The following TTC6 variants were observed in gnomAD, a reference collection of about 807,000 sequenced individuals.
TTC6 encodes tetratricopeptide repeat domain 6.
In TTC6, 172 loss-of-function variants were observed where a neutral mutation model predicts 210.4. The ratio of observed to expected loss-of-function variants is 0.82; its 90% CI spans 0.72 to 0.93. TTC6 has a LOEUF of 0.93. TTC6 is among the 40% of genes least tolerant of loss of function. The pLI is 0.00. For synonymous variants in TTC6, 804 were observed against 819.6 expected (o/e 0.98, Z 0.32); for missense variants, 2,414 against 2,318.1 (o/e 1.04, Z -0.85).
intron 6 of TTC6, among the ~76,000 whole-genome samples, chr14:37,715,091 C>A (rs1404475335): frequency 6.6e-6 from 1 of 152,094 alleles, no homozygotes; most frequent in Admixed American, 6.5e-5. Context: ...ATCACTTGAG[C>A]CCAGGCAATT....
chr14:37,735,203 A>C (rs553419780), intron 7 of TTC6, among the ~76,000 whole-genome samples: 1 of 152,300 alleles, frequency 6.6e-6, no homozygotes, highest in Admixed American at 6.5e-5. Flanking sequence ...ATTACATAAT[A>C]TTTTTAAAAT....
chr14:37,727,349 A>G (rs1285952765), intron 7 of TTC6, among the ~76,000 whole-genome samples: 2 of 130,046 alleles, frequency 1.5e-5, no homozygotes, highest in Non-Finnish European at 3.1e-5. Flanking sequence ...GCTGGAGTGC[A>G]GTGGTGCGAT....
chr14:37,829,484 CAATAA>C (rs1331789547), intron 29 of TTC6, among the ~76,000 whole-genome samples: 2 of 151,830 alleles, frequency 1.3e-5, no homozygotes, highest in Non-Finnish European at 2.9e-5. Flanking sequence ...CTATGAACAA[CAATAA>C]AATTACCCTG....
At chr14:37,689,791 AC>A (rs1402562009) in intron 3 of TTC6, among the ~76,000 whole-genome samples, 1 of 152,154 alleles carries the variant, frequency 6.6e-6, no homozygotes, top group African/African-American at 2.4e-5. Context: ...TTTTATCAAC[AC>A]CAGACCTGTC....
intron 15 of TTC6, among the ~76,000 whole-genome samples, chr14:37,787,889 CTGTGTGTGTGTG>C (rs3062823): frequency 4.8e-5 from 7 of 147,316 alleles, no homozygotes; most frequent in African/African-American, 1.3e-4. Context: ...GTGTGTGTGT[CTGTGTGTGTGTG>C]TGTGTGTGTG....
chr14:37,783,617 T>A (rs2096060673), intron 14 of TTC6, among the ~76,000 whole-genome samples: 1 of 152,188 alleles, frequency 6.6e-6, no homozygotes, highest in South Asian at 2.1e-4. Context: ...GGATTTTTTG[T>A]GTCTCTATCT....
At chr14:37,678,580 T>G (rs1035276059) in intron 1 of TTC6, among the ~76,000 whole-genome samples, 4 of 152,208 alleles carry the variant, frequency 2.6e-5, no homozygotes, top group African/African-American at 9.6e-5. Context: ...GTCTCTTCAA[T>G]TTAGTAAGAT....
chr14:37,597,362 C>T (rs1365661165), intron 1 of TTC6, among the ~76,000 whole-genome samples: 1 of 151,888 alleles, frequency 6.6e-6, no homozygotes, highest in Non-Finnish European at 1.5e-5. Flanking sequence ...TCAATAACAC[C>T]GAGCAAGACT....
chr14:37,841,258 C>T (rs1374091705), intron 29 of TTC6, among the ~76,000 whole-genome samples, 187 bp from the exon 32 acceptor site: 1 of 152,128 alleles, frequency 6.6e-6, no homozygotes, highest in Non-Finnish European at 1.5e-5. Context: ...AAAAGCAGGT[C>T]AACTTTTGGT....
intron 1 of TTC6, among the ~76,000 whole-genome samples, chr14:37,674,453 C>T (rs1377163069): frequency 6.6e-6 from 1 of 152,022 alleles, no homozygotes; most frequent in Admixed American, 6.6e-5. Flanking sequence ...TGAACAATAA[C>T]TATTATTATG....
At chr14:37,724,701 T>A (rs962811959) in intron 6 of TTC6, among the ~76,000 whole-genome samples, 197 bp from the exon 9 acceptor site, 6 of 152,174 alleles carry the variant, frequency 3.9e-5, no homozygotes, top group Non-Finnish European at 7.4e-5. Context: ...TTTCCCCAAG[T>A]CCTTAGCATC....
At chr14:37,783,078 T>A (rs2096059222) in intron 14 of TTC6, among the ~76,000 whole-genome samples, 1 of 152,180 alleles carries the variant, frequency 6.6e-6, no homozygotes, top group South Asian at 2.1e-4. Context: ...GGGATATTGG[T>A]CTAAAATTCT....
intron 26 of TTC6, among the ~76,000 whole-genome samples, chr14:37,821,253 G>A (rs943273955): frequency 6.6e-6 from 1 of 152,074 alleles, no homozygotes; most frequent in Non-Finnish European, 1.5e-5. Flanking sequence ...ACTTTTAGTA[G>A]AGAAGGGGTT....
intron 2 of TTC6, among the ~76,000 whole-genome samples, chr14:37,680,709 T>C (rs1461273714): frequency 6.6e-6 from 1 of 152,162 alleles, no homozygotes; most frequent in East Asian, 1.9e-4. Context: ...TATCCATCAT[T>C]GGTAAAATAA....
At chr14:37,842,418 C>T in exon 31 of TTC6, 2 of 764,402 alleles carry the variant, frequency 2.6e-6, no homozygotes, top group East Asian at 6.4e-5. Flanking sequence ...TCCATATAAC[C>T]TTCTATGCAT....
intron 1 of TTC6, among the ~76,000 whole-genome samples, chr14:37,635,028 A>G (rs1041143424): frequency 3.9e-5 from 6 of 152,256 alleles, no homozygotes; most frequent in African/African-American, 1.4e-4. Flanking sequence ...CTAGGAAGAA[A>G]GAACATAATA....
At chr14:37,829,819 A>C (rs1180927969) in intron 29 of TTC6, among the ~76,000 whole-genome samples, 1 of 152,112 alleles carries the variant, frequency 6.6e-6, no homozygotes, top group Non-Finnish European at 1.5e-5. Context: ...CACTTGGGCA[A>C]CACATAAATT....
intron 1 of TTC6, among the ~76,000 whole-genome samples, chr14:37,603,120 G>A (rs1482402541): frequency 1.3e-5 from 2 of 152,190 alleles, no homozygotes; most frequent in African/African-American, 2.4e-5. Context: ...GAGAAGAAGC[G>A]AAGACTGCAG....
intron 26 of TTC6, among the ~76,000 whole-genome samples, chr14:37,818,763 C>T (rs905236906): frequency 9.2e-5 from 14 of 152,058 alleles, no homozygotes; most frequent in African/African-American, 2.2e-4. Flanking sequence ...CAGCAAAACC[C>T]GGTCTTACCA....
Sources: gnomAD v4.1 joint callset for allele counts (sites outside exome capture counted in the v4.1 genomes callset) on GRCh38, gnomAD v4.1.1 for gene constraint, MANE v1.5 for transcripts, NCBI Gene and HGNC (gene_info 2026-07-23, HGNC 2026-07-21) for gene names.